The following MYO5C variants were observed in gnomAD, a reference collection of about 807,000 sequenced individuals.
The protein encoded by MYO5C is unconventional myosin-Vc.
In MYO5C, 194 loss-of-function variants were observed where a neutral mutation model predicts 235.7. The observed-to-expected ratio is 0.82, with a 90% CI of 0.73 to 0.93. The LOEUF (loss-of-function observed/expected upper bound fraction) is 0.93, where lower values mean the gene tolerates loss of function less well. MYO5C is among the 40% of genes least tolerant of loss of function. The pLI, the probability that MYO5C is intolerant of heterozygous loss-of-function variation, is 0.00. For synonymous variants in MYO5C, 707 were observed against 754.8 expected, an observed-to-expected ratio of 0.94 and a Z score of 1.04; for missense variants, 2,038 against 2,127.2, an observed-to-expected ratio of 0.96 and a Z score of 0.82.
intron 24 of MYO5C, among the ~76,000 whole-genome samples, chr15:52,230,084 C>A (rs1225835008): frequency 6.6e-6 from 1 of 152,158 alleles, no homozygotes; most frequent in African/African-American, 2.4e-5. Flanking sequence ...GGGGTCTAGC[C>A]CTTCAAAAAT....
At chr15:52,285,437 C>CCCTCCTCTCCCT (rs747695137) in intron 1 of MYO5C, among the ~76,000 whole-genome samples, 1 of 95,052 alleles carries the variant, frequency 1.1e-5, no homozygotes, top group Non-Finnish European at 2.1e-5. Context: ...CTCTCCCTCT[C>CCCTCCTCTCCCT]CCTCTCCCTC....
intron 32 of MYO5C, among the ~76,000 whole-genome samples, chr15:52,216,411 C>G (rs2035553875): frequency 6.6e-6 from 1 of 152,050 alleles, no homozygotes; most frequent in African/African-American, 2.4e-5. Flanking sequence ...GATGGGGTCT[C>G]ACTACGTTGC....
chr15:52,271,767 T>C lies in MYO5C; in HGVS notation c.828A>G (p.Lys276=). The change falls in exon 7 of 41, where the codon AAA becomes AAG. Residue 276 remains lysine (K), a synonymous_variant. Coordinates refer to ENST00000261839, the MANE Select transcript of MYO5C (RefSeq NM_018728.4). ...SAQQSEFKHL[K]LGSAEEFNYT... is the part of the protein sequence containing the mutation. ...CATACACGATCCATCACATACCCAATTTAAGATGTTTAAATTCCGACTGCT... is the reference window on the plus strand; with the variant it reads ...CATACACGATCCATCACATACCCAACTTAAGATGTTTAAATTCCGACTGCT... 1 of 1,539,768 alleles carries C rather than the reference T, an allele frequency of 6.5e-7. No homozygotes were observed. Among genetic ancestry groups the C allele is most frequent in the Non-Finnish European group, 8.8e-7 (1 of 1,131,094 alleles).
At chr15:52,285,960 C>T (rs1355221640) in intron 1 of MYO5C, among the ~76,000 whole-genome samples, 2 of 152,182 alleles carry the variant, frequency 1.3e-5, no homozygotes, top group Non-Finnish European at 2.9e-5. Flanking sequence ...GCGCCTCTTC[C>T]CGGCCGCCAT....
intron 1 of MYO5C, among the ~76,000 whole-genome samples, chr15:52,288,525 G>T (rs1373722848): frequency 6.6e-6 from 1 of 152,166 alleles, no homozygotes; most frequent in East Asian, 1.9e-4. Context: ...ACCCAGCCTG[G>T]TAAGTAAACA....
chr15:52,272,993 T>C (rs2036959298), intron 5 of MYO5C, among the ~76,000 whole-genome samples: 1 of 152,146 alleles, frequency 6.6e-6, no homozygotes, highest in Admixed American at 6.6e-5. Flanking sequence ...GGGTCCTGGG[T>C]TCTATCTTTG....
chr15:52,213,512 T>A, intron 33 of MYO5C: 2 of 420,406 alleles, frequency 4.8e-6, no homozygotes, highest in Non-Finnish European at 8.7e-6. Flanking sequence ...GGCCCAATTA[T>A]CCTTTGAAGA....
intron 17 of MYO5C, 125 bp downstream of exon 17, chr15:52,245,831 A>G: frequency 1.2e-6 from 1 of 835,958 alleles, no homozygotes; most frequent in Non-Finnish European, 1.9e-6. Context: ...GCAGTGGGAA[A>G]ATCTTGGGGG....
rs572179526 is a variant in MYO5C at position 52,209,952 on chromosome 15, A to G, written c.4297-1309T>C. Among the ~76,000 whole-genome samples the G allele has an allele frequency of 2.0e-3, 310 of 151,978 alleles. 6 individuals are homozygous for G. The highest frequency in any genetic ancestry group is 0.015 in the East Asian group (77 of 5,178). ...TTATATTTCTTTCTTCCTAGAGTTT[A>G]TTAATTAATTAATTAATTTATTTAT... On this transcript the variant is annotated intron_variant, in intron 35 of 40. Coordinates refer to ENST00000261839, the MANE Select transcript of MYO5C (RefSeq NM_018728.4).
At chr15:52,275,525 T>C in intron 5 of MYO5C, 37 bp downstream of exon 5, 2 of 1,611,512 alleles carry the variant, frequency 1.2e-6, no homozygotes, top group Admixed American at 1.7e-5. Context: ...CCCATTTCCA[T>C]CACCAACACC....
chr15:52,239,962 A>G, intron 20 of MYO5C, 83 bp from the exon 21 acceptor site: 1 of 1,394,568 alleles, frequency 7.2e-7, no homozygotes. Flanking sequence ...AGATGCAACT[A>G]CCACGGTGTA....
intron 10 of MYO5C, among the ~76,000 whole-genome samples, chr15:52,259,342 C>T (rs1244742184): frequency 6.6e-6 from 1 of 151,014 alleles, no homozygotes; most frequent in Non-Finnish European, 1.5e-5. Flanking sequence ...ATCGCTTGAA[C>T]CTGGGAGGCA....
intron 21 of MYO5C, 26 bp from the exon 22 acceptor site, chr15:52,237,672 T>C: frequency 6.3e-7 from 1 of 1,595,042 alleles, no homozygotes; most frequent in Non-Finnish European, 8.5e-7. Context: ...TTCAGATGTT[T>C]AGAGGTTAAT....
intron 2 of MYO5C, 51 bp downstream of exon 2, chr15:52,282,731 C>G (rs1205431892): frequency 3.0e-6 from 4 of 1,317,336 alleles, no homozygotes; most frequent in South Asian, 1.2e-5. Flanking sequence ...TACACACACC[C>G]CAGCTACCGC....
At chr15:52,239,601 C>T in intron 21 of MYO5C, 132 bp downstream of exon 21, 1 of 875,192 alleles carries the variant, frequency 1.1e-6, no homozygotes, top group Non-Finnish European at 1.7e-6. Flanking sequence ...TGTTTCCTAG[C>T]TCAGGTGGTC....
intron 21 of MYO5C, among the ~76,000 whole-genome samples, chr15:52,238,996 G>T (rs1272511746): frequency 6.6e-6 from 1 of 151,554 alleles, no homozygotes; most frequent in Non-Finnish European, 1.5e-5. Flanking sequence ...TTGTTGCCCA[G>T]GCTGGAGTGC....
At chr15:52,197,901 G>A (rs535074490) in intron 38 of MYO5C, among the ~76,000 whole-genome samples, 2 of 151,994 alleles carry the variant, frequency 1.3e-5, no homozygotes, top group Non-Finnish European at 2.9e-5. Flanking sequence ...CTCCCAAAGC[G>A]CTGGGATTAC....
intron 8 of MYO5C, among the ~76,000 whole-genome samples, chr15:52,266,827 G>A (rs1471121218): frequency 1.3e-5 from 2 of 152,214 alleles, no homozygotes; most frequent in Non-Finnish European, 2.9e-5. Flanking sequence ...AAAAGTTTGA[G>A]CTGAGGTACC....
chr15:52,261,627 C>T (rs914994708), intron 9 of MYO5C, among the ~76,000 whole-genome samples: 1 of 152,220 alleles, frequency 6.6e-6, no homozygotes, highest in African/African-American at 2.4e-5. Context: ...GTGGGAGTCC[C>T]ATGGCTGAGC....
Sources: allele counts gnomAD v4.1 joint callset (sites outside exome capture counted in the v4.1 genomes callset), GRCh38; gene constraint gnomAD v4.1.1; transcripts MANE v1.5; gene names NCBI Gene and HGNC (gene_info 2026-07-23, HGNC 2026-07-21).